The following RANBP2 variants were observed in gnomAD, a reference collection of about 807,000 sequenced individuals.
The protein encoded by RANBP2 is RAN binding protein 2, also known as E3 SUMO-protein ligase RanBP2.
A neutral mutation model predicts 303.6 loss-of-function variants in RANBP2; 57 were observed. That is an observed-to-expected ratio of 0.19 (90% confidence interval 0.15 to 0.23). The LOEUF (loss-of-function observed/expected upper bound fraction) is 0.23, where lower values mean the gene tolerates loss of function less well. Among genes scored for constraint, RANBP2 ranks in the 10% least tolerant of loss-of-function variants. The pLI is 1.00. For synonymous variants in RANBP2, 1,167 were observed against 1,301.5 expected (o/e 0.90, Z 2.23); for missense variants, 3,138 against 3,780.8 (o/e 0.83, Z 4.46).
the RANBP2 span, among the ~76,000 whole-genome samples, chr2:109,176,290 A>G: frequency 6.6e-6 from 1 of 152,270 alleles, no homozygotes; most frequent in South Asian, 2.1e-4. Flanking sequence ...GAGGAAGCCA[A>G]TTAATTGAAA....
the RANBP2 span, among the ~76,000 whole-genome samples, chr2:109,481,200 C>G: frequency 7.2e-5 from 11 of 152,318 alleles, no homozygotes; most frequent in South Asian, 2.3e-3. Context: ...GGCCGGGGCC[C>G]TGCAGACGTC....
At chr2:109,550,380 T>C in the RANBP2 span, among the ~76,000 whole-genome samples, 2 of 151,810 alleles carry the variant, frequency 1.3e-5, no homozygotes, top group Non-Finnish European at 2.9e-5. Flanking sequence ...TGGCATAATC[T>C]TGGCTCACTG....
At chr2:109,101,108 G>A in the RANBP2 span, among the ~76,000 whole-genome samples, 1 of 152,224 alleles carries the variant, frequency 6.6e-6, no homozygotes, top group Non-Finnish European at 1.5e-5. Context: ...AACAGACACA[G>A]TGGGAGTGGC....
the RANBP2 span, chr2:108,791,889 C>T: frequency 3.8e-6 from 5 of 1,301,282 alleles, no homozygotes; most frequent in East Asian, 1.3e-4. Flanking sequence ...ATAACACTGG[C>T]CCCCAAGAGT....
downstream of RANBP2, chr2:108,788,714 C>G (rs910865235): frequency 1.4e-5 from 16 of 1,180,714 alleles, no homozygotes; most frequent in African/African-American, 2.5e-4. Context: ...AGCGAGACTC[C>G]GTCTCAAAGA....
the RANBP2 span, among the ~76,000 whole-genome samples, chr2:109,301,839 G>A: frequency 6.6e-6 from 1 of 152,140 alleles, no homozygotes; most frequent in Non-Finnish European, 1.5e-5. Flanking sequence ...TGCCTCTTTA[G>A]CATGTTTGAG....
the RANBP2 span, among the ~76,000 whole-genome samples, chr2:109,115,534 G>T: frequency 1.3e-5 from 2 of 150,102 alleles, no homozygotes; most frequent in African/African-American, 2.5e-5. Context: ...CTCTGCACAT[G>T]AGATAGGTTT....
At chr2:109,273,747 A>G in the RANBP2 span, among the ~76,000 whole-genome samples, 2 of 152,222 alleles carry the variant, frequency 1.3e-5, no homozygotes, top group Non-Finnish European at 2.9e-5. Context: ...AGAAGGTCAT[A>G]GATGTCCCTT....
At chr2:108,874,900 T>G in the RANBP2 span, among the ~76,000 whole-genome samples, 1 of 142,606 alleles carries the variant, frequency 7.0e-6, no homozygotes, top group Non-Finnish European at 1.5e-5. Context: ...ATTTAATTCT[T>G]TTTTACTTCT....
the RANBP2 span, among the ~76,000 whole-genome samples, chr2:108,955,575 G>A: frequency 4.6e-5 from 7 of 151,970 alleles, no homozygotes; most frequent in African/African-American, 1.7e-4. Flanking sequence ...TGGTGTGGTG[G>A]CACTTGCCTG....
At chr2:109,525,591 G>A in the RANBP2 span, among the ~76,000 whole-genome samples, 1 of 152,210 alleles carries the variant, frequency 6.6e-6, no homozygotes, top group South Asian at 2.1e-4. Context: ...CCATGAGGAG[G>A]TCCAGCACCC....
chr2:109,468,314 A>G, the RANBP2 span, among the ~76,000 whole-genome samples: 1 of 152,194 alleles, frequency 6.6e-6, no homozygotes, highest in Non-Finnish European at 1.5e-5. Flanking sequence ...GTCTAAATAT[A>G]GCTAAACATA....
chr2:108,847,839 C>A, the RANBP2 span, among the ~76,000 whole-genome samples: 2 of 152,092 alleles, frequency 1.3e-5, no homozygotes, highest in Non-Finnish European at 2.9e-5. Context: ...AAGTAAAAAA[C>A]CATATAACTG....
the RANBP2 span, among the ~76,000 whole-genome samples, chr2:109,699,423 G>A: frequency 3.3e-5 from 5 of 152,200 alleles, no homozygotes; most frequent in Admixed American, 6.5e-5. Context: ...AACTTAACTA[G>A]TGTAGCCTGT....
the RANBP2 span, among the ~76,000 whole-genome samples, chr2:109,416,573 C>T: frequency 2.4e-4 from 36 of 151,598 alleles, no homozygotes; most frequent in Admixed American, 2.4e-3. Flanking sequence ...TTAGTAGAGA[C>T]GGGGTTTCAC....
At chr2:109,620,512 G>A in the RANBP2 span, among the ~76,000 whole-genome samples, 3 of 152,134 alleles carry the variant, frequency 2.0e-5, no homozygotes, top group African/African-American at 7.2e-5. Flanking sequence ...GACCAGCCTG[G>A]CCAACATGGT....
At chr2:109,234,127 A>G in the RANBP2 span, among the ~76,000 whole-genome samples, 2 of 152,224 alleles carry the variant, frequency 1.3e-5, no homozygotes, top group Admixed American at 1.3e-4. Flanking sequence ...CCTTATAGGA[A>G]ATGCCAGATT....
Position 108,782,224 on chromosome 2 carries a change from C to T in RANBP2, c.8857C>T (p.Arg2953Cys), listed in dbSNP as rs1269636259. The change falls in exon 27 of 29, where the codon CGC (arginine) becomes TGC (cysteine). Residue 2953 changes from arginine (R) to cysteine (C), a missense_variant. By Grantham distance (180) the Arg-to-Cys change is radical. This residue lies in a region of RANBP2 where 68 missense variants were observed against 117.4 expected (regional missense o/e 0.58). Coordinates refer to ENST00000283195, the MANE Select transcript of RANBP2 (RefSeq NM_006267.5). ...WDRDVSQWKE[R>C]GVGDIKILWH... ...TCGGGATGTCAGTCAGTGGAAGGAG[C>T]GCGGTGTTGGAGATATAAAGATTCT... 3 of 1,614,078 alleles carry T rather than the reference C, an allele frequency of 1.9e-6. No individual in the cohort carries two copies. Among genetic ancestry groups the T allele is most frequent in the Non-Finnish European group, 2.5e-6 (3 of 1,180,012 alleles).
the RANBP2 span, among the ~76,000 whole-genome samples, chr2:109,712,168 T>C: frequency 6.6e-6 from 1 of 152,202 alleles, no homozygotes; most frequent in Non-Finnish European, 1.5e-5. Flanking sequence ...AGGCCTCCTA[T>C]AAATCCCTTC....
Sources: gnomAD v4.1 joint callset for allele counts (sites outside exome capture counted in the v4.1 genomes callset) on GRCh38, gnomAD v4.1.1 for gene constraint, gnomAD v4.1.1 regional missense constraint, MANE v1.5 for transcripts, NCBI Gene and HGNC (gene_info 2026-07-23, HGNC 2026-07-21) for gene names.